The following WDR4 variants were observed in gnomAD, a reference collection of about 807,000 sequenced individuals.
WDR4 encodes tRNA (guanine-N(7)-)-methyltransferase non-catalytic subunit WDR4.
A neutral mutation model predicts 48.6 loss-of-function variants in WDR4; 47 were observed. The observed-to-expected ratio is 0.97, with a 90% CI of 0.77 to 1.23. The LOEUF is 1.23. Ranked by LOEUF, WDR4 falls within the 50% of genes most tolerant of loss-of-function variation. WDR4 has a pLI of 0.00. For synonymous variants in WDR4, 268 were observed against 230.0 expected (o/e 1.17, Z -1.49); for missense variants, 606 against 551.6 (o/e 1.10, Z -0.99).
chr21:42,891,109 G>A, the WDR4 span, among the ~76,000 whole-genome samples: 2 of 152,172 alleles, frequency 1.3e-5, no homozygotes, highest in South Asian at 2.1e-4. Flanking sequence ...GATCACTTGA[G>A]GTCAAGAGTT....
chr21:42,885,702 T>TTTATATATA, the WDR4 span, among the ~76,000 whole-genome samples: 1 of 152,150 alleles, frequency 6.6e-6, no homozygotes, highest in African/African-American at 2.4e-5. Flanking sequence ...TTGAATGTAT[T>TTTATATATA]TTATATATAT....
intron 8 of WDR4, among the ~76,000 whole-genome samples, 165 bp from the exon 9 acceptor site, chr21:42,853,917 T>C (rs552050478): frequency 4.0e-4 from 61 of 152,162 alleles, no homozygotes; most frequent in Middle Eastern, 3.4e-3. Context: ...GGGGAAACCA[T>C]GGGGTGACGT....
intron 1 of WDR4, among the ~76,000 whole-genome samples, chr21:42,877,646 G>C (rs1481710851): frequency 6.6e-6 from 1 of 151,912 alleles, no homozygotes; most frequent in African/African-American, 2.4e-5. Flanking sequence ...ATACTGCATA[G>C]TTCTGTGGGA....
chr21:42,888,733 C>T, the WDR4 span, among the ~76,000 whole-genome samples: 4 of 145,808 alleles, frequency 2.7e-5, no homozygotes, highest in Admixed American at 2.1e-4. Context: ...CAGAGTCTTG[C>T]TCTGTCACCC....
In WDR4 at chr21:42,850,006, GC is replaced by G. The variant is rs1344495467; in HGVS notation, c.*42del. On this transcript the variant is annotated 3_prime_UTR_variant, in exon 11 of 11. Transcript: ENST00000398208. ...AGGATGCAGGGGAACAAGTTAAAAA[GC>G]TTTTCCTAATTTGAGGTGAGAGACA... 2 of 1,602,308 alleles carry G rather than the reference GC, an allele frequency of 1.2e-6. No homozygotes were observed. Among genetic ancestry groups the G allele is most frequent in the Non-Finnish European group, 1.7e-6 (2 of 1,176,762 alleles).
upstream of WDR4, among the ~76,000 whole-genome samples, chr21:42,880,161 A>G (rs117496490): frequency 3.8e-4 from 58 of 152,010 alleles, no homozygotes; most frequent in East Asian, 0.011. Flanking sequence ...AGATGTGGTC[A>G]TGGGTGAGGG....
At chr21:42,848,234 G>T (rs761875134), downstream of WDR4, among the ~76,000 whole-genome samples, 1 of 152,214 alleles carries the variant, frequency 6.6e-6, no homozygotes, top group Non-Finnish European at 1.5e-5. Flanking sequence ...GAGCCGGCCT[G>T]AACGAATTAA....
chr21:42,873,516 C>T lies in WDR4; in HGVS notation c.296+35G>A, dbSNP rs780965654. The T allele has an allele frequency of 1.1e-4, 173 of 1,610,910 alleles. No homozygotes were observed. The South Asian group carries it at 1.8e-3, about 17-fold the overall frequency. ...GGCATGCAAGGATAAGGTGTGCATT[C>T]GACATCTTAAGAATCCAGCGTTAGC... is the stretch of plus-strand genomic sequence containing the variant. On this transcript the variant is annotated intron_variant, in intron 3 of 10. Coordinates refer to ENST00000398208, the MANE Select transcript of WDR4 (RefSeq NM_018669.6).
At chr21:42,885,956 ATTTTTTTTTT>A in the WDR4 span, among the ~76,000 whole-genome samples, 23 of 122,822 alleles carry the variant, frequency 1.9e-4, no homozygotes, top group Middle Eastern at 4.4e-3. Context: ...CTCAGCATAG[ATTTTTTTTTT>A]TTTTTTTTTT....
chr21:42,847,998 T>A (rs2057726021), downstream of WDR4, among the ~76,000 whole-genome samples: 1 of 152,228 alleles, frequency 6.6e-6, no homozygotes. Context: ...GGCCCCTGCC[T>A]TCTGAAACCC....
At chr21:42,852,144 C>T in intron 10 of WDR4, 111 bp downstream of exon 10, 2 of 1,150,656 alleles carry the variant, frequency 1.7e-6, no homozygotes, top group Middle Eastern at 2.6e-4. Flanking sequence ...CTTACTCTCC[C>T]TCTTTATCTG....
intron 10 of WDR4, among the ~76,000 whole-genome samples, chr21:42,851,174 G>A (rs2057817921): frequency 6.6e-6 from 1 of 152,212 alleles, no homozygotes; most frequent in African/African-American, 2.4e-5. Flanking sequence ...TATGCTGTCC[G>A]TGGCCTAGAG....
At chr21:42,846,391 T>C (rs1217399672), downstream of WDR4, among the ~76,000 whole-genome samples, 2 of 152,164 alleles carry the variant, frequency 1.3e-5, no homozygotes, top group South Asian at 2.1e-4. Context: ...CCAGCATGCC[T>C]GTGCAGTGCC....
At chr21:42,855,989 CCT>C (rs1359927101) in intron 6 of WDR4, among the ~76,000 whole-genome samples, 14 of 152,218 alleles carry the variant, frequency 9.2e-5, no homozygotes, top group Admixed American at 4.6e-4. Context: ...TGACCGATTC[CCT>C]GTTTCTCGAG....
At position 42,855,639 on chromosome 21, in the gene WDR4, T is replaced by C. The variant is rs1410980400; in HGVS notation, c.726+43A>G. ...CACTCAAGTCAGGCGACTGCCGGTGTCTACAAGCACTCAGTCGCCCAGGAG... is the reference window on the plus strand; with the variant it reads ...CACTCAAGTCAGGCGACTGCCGGTGCCTACAAGCACTCAGTCGCCCAGGAG... On this transcript the variant is annotated intron_variant, in intron 7 of 10. Transcript: ENST00000398208. 2.1e-6 allele frequency: 3 copies of C among 1,453,992 alleles called. No homozygotes were observed. In the South Asian group the frequency reaches 3.9e-5, roughly 19 times the overall value. The allele number at this position is 1,453,992 out of a possible 1,614,324, so 90.1% of individuals were successfully genotyped here.
the WDR4 span, among the ~76,000 whole-genome samples, chr21:42,884,728 A>G: frequency 6.6e-6 from 1 of 151,718 alleles, no homozygotes; most frequent in Non-Finnish European, 1.5e-5. Flanking sequence ...CCAGCACTAC[A>G]TTGTGGTTCC....
chr21:42,853,113 A>G (rs1035601430), intron 9 of WDR4, among the ~76,000 whole-genome samples: 5 of 151,982 alleles, frequency 3.3e-5, no homozygotes, highest in African/African-American at 1.2e-4. Context: ...GCCCTCGCCC[A>G]GAGACCCCAC....
rs1472050696 is a variant in WDR4, at chr21:42,853,730, G to A, written c.814C>T (p.Gln272Ter). The A allele has an allele frequency of 1.3e-6, 2 of 1,560,308 alleles. No homozygotes were observed. The highest frequency in any genetic ancestry group is 8.7e-7 in the Non-Finnish European group (1 of 1,152,028). ...CDGTPVVYIF[Q>*]LDARRQQLVY... ...AACTGCTGTCTGCGGGCGTCCAGCTGGAAGATGTAGACCACAGGAGTGCTT... is the reference window on the plus strand; with the variant it reads ...AACTGCTGTCTGCGGGCGTCCAGCTAGAAGATGTAGACCACAGGAGTGCTT... Residue 272 changes from glutamine (Q) to a stop codon, truncating the protein, a stop_gained, in exon 9 of 11, where the codon CAG becomes TAG. Coordinates refer to ENST00000398208, the MANE Select transcript of WDR4 (RefSeq NM_018669.6). LOFTEE classifies it high-confidence loss of function.
In WDR4 at chr21:42,873,753, T is replaced by C. The variant is rs534847353; in HGVS notation, c.156-62A>G. The C allele has an allele frequency of 4.1e-4, 647 of 1,568,982 alleles. 1 individual carries two copies. The highest frequency in any genetic ancestry group is 5.5e-4 in the Non-Finnish European group (637 of 1,153,700). On this transcript the variant is annotated intron_variant, in intron 2 of 10. Transcript: ENST00000398208. ...TAAGGAAATAAGGCTGCATTCCTTG[T>C]TGGCCAGCGTGGTAATTTCTAACAT...
Sources: gnomAD v4.1 joint callset for allele counts (sites outside exome capture counted in the v4.1 genomes callset) on GRCh38, gnomAD v4.1.1 for gene constraint, MANE v1.5 for transcripts, NCBI Gene and HGNC (gene_info 2026-07-23, HGNC 2026-07-21) for gene names.